Variants in HEXIM2 observed in about 807,000 individuals in gnomAD.
HEXIM2 encodes HEXIM P-TEFb complex subunit 2.
For synonymous variants in HEXIM2, 159 were observed against 162.7 expected, an observed-to-expected ratio of 0.98 and a Z score of 0.17; for missense variants, 413 against 390.8, an observed-to-expected ratio of 1.06 and a Z score of -0.48.
In HEXIM2 at chr17:45,162,546, G is replaced by A; in HGVS notation, c.-134G>A. On this transcript the variant is annotated 5_prime_UTR_variant, in exon 2 of 4. Coordinates refer to ENST00000589230, the MANE Select transcript of HEXIM2 (RefSeq NM_001303441.2). ...ACCCGAGGAGCAGGACAGAGAAGAC[G>A]GCCCCTGAATCCCATTTGGCCCCTT... 1.5e-6 allele frequency: 2 copies of A among 1,351,388 alleles called. No individual in the cohort carries two copies. Among genetic ancestry groups the A allele is most frequent in the Non-Finnish European group, 1.9e-6 (2 of 1,047,522 alleles). The allele number at this position is 1,351,388 out of a possible 1,614,324, so 83.7% of individuals were successfully genotyped here.
At chr17:45,160,685 G>A (rs1219787421), upstream of HEXIM2, 2 of 354,962 alleles carry the variant, frequency 5.6e-6, no homozygotes, top group Non-Finnish European at 5.7e-6. Context: ...AAACTTTCAA[G>A]AGAAGTGGGG....
At chr17:45,161,443 C>A (rs1014491128), upstream of HEXIM2, 2 of 173,256 alleles carry the variant, frequency 1.2e-5, no homozygotes, top group Admixed American at 5.6e-5. Context: ...CGGACCACCC[C>A]CCACGGGGTG....
intron 2 of HEXIM2, 42 bp from the exon 3 acceptor site, chr17:45,162,708 A>C: frequency 6.2e-7 from 1 of 1,607,102 alleles, no homozygotes; most frequent in South Asian, 1.1e-5. Flanking sequence ...AGTATTCCTG[A>C]CGTTCCTTCA....
intron 1 of HEXIM2, 61 bp from the exon 2 acceptor site, chr17:45,162,427 T>G: frequency 9.2e-7 from 1 of 1,089,272 alleles, no homozygotes; most frequent in Non-Finnish European, 1.1e-6. Flanking sequence ...CTTTGGTGGT[T>G]GGGGAAACAA....
intron 3 of HEXIM2, among the ~76,000 whole-genome samples, chr17:45,166,328 T>C (rs1751208967): frequency 6.6e-6 from 1 of 152,030 alleles, no homozygotes; most frequent in African/African-American, 2.4e-5. Context: ...GGTTTCGCCA[T>C]GTTGCCCAGG....
In HEXIM2 at chr17:45,162,476, G is replaced by A. The variant is rs2042725958; in HGVS notation, c.-192-12G>A. The A allele has an allele frequency of 2.1e-5, 23 of 1,105,962 alleles. No individual in the cohort carries two copies. The highest frequency in any genetic ancestry group is 2.4e-5 in the Non-Finnish European group (22 of 902,772). The allele number at this position is 1,105,962 out of a possible 1,614,324, so 68.5% of individuals were successfully genotyped here. Reference sequence around the variant, plus strand: ...CTTCCTGGCTGCCAACCTGGGCCTCGGTGACTTCCAGGAGGACAGTACAGG... The same window carrying A: ...CTTCCTGGCTGCCAACCTGGGCCTCAGTGACTTCCAGGAGGACAGTACAGG... On this transcript the variant is annotated splice_polypyrimidine_tract_variant and intron_variant, in intron 1 of 3. Coordinates refer to ENST00000589230, the MANE Select transcript of HEXIM2 (RefSeq NM_001303441.2).
At chr17:45,164,922 A>G (rs149422879) in intron 3 of HEXIM2, among the ~76,000 whole-genome samples, 1 of 152,124 alleles carries the variant, frequency 6.6e-6, no homozygotes, top group Admixed American at 6.5e-5. Context: ...AATTCATGAC[A>G]TGTCAGGGCT....
intron 3 of HEXIM2, among the ~76,000 whole-genome samples, chr17:45,163,684 A>G (rs1265262230): frequency 6.6e-6 from 1 of 152,042 alleles, no homozygotes; most frequent in Admixed American, 6.6e-5. Context: ...CCTCATCTCT[A>G]CTAAAAATAC....
At position 45,169,101 on chromosome 17, in the gene HEXIM2, C is replaced by T; in HGVS notation, c.153C>T (p.Ser51=). ...TGCCCCTGACACCGCGGATGGAGAG[C>T]CACTCAGAGGATGAAGATCTTGCTG... The part of the protein sequence containing the change: ...GSLPLTPRME[S]HSEDEDLAGA... The change falls in exon 4 of 4, where the codon AGC becomes AGT. Residue 51 remains serine (S), a synonymous_variant. Coordinates refer to ENST00000589230, the MANE Select transcript of HEXIM2 (RefSeq NM_001303441.2). The T allele has an allele frequency of 1.9e-6, 3 of 1,614,080 alleles. No individual in the cohort carries two copies. The South Asian group carries it at 3.3e-5, about 18-fold the overall frequency.
At chr17:45,160,696 C>A (rs963722660), upstream of HEXIM2, 2 of 368,782 alleles carry the variant, frequency 5.4e-6, no homozygotes, top group African/African-American at 4.2e-5. Context: ...AGAAGTGGGG[C>A]AGCACACTTT....
At chr17:45,167,039 A>AGATG (rs1567930025) in intron 3 of HEXIM2, among the ~76,000 whole-genome samples, 1 of 146,282 alleles carries the variant, frequency 6.8e-6, no homozygotes, top group Non-Finnish European at 1.5e-5. Context: ...AAAAAAAAAA[A>AGATG]AAAAGCCCAG....
In HEXIM2 at chr17:45,161,983, A is replaced by T. The variant is rs973975921; in HGVS notation, c.-241A>T. ...GAATTGCACCGACAGGCAGTCGCACAGAAAGGCACACAGATGTAGTGGTGT... is the reference window on the plus strand; with the variant it reads ...GAATTGCACCGACAGGCAGTCGCACTGAAAGGCACACAGATGTAGTGGTGT... On this transcript the variant is annotated 5_prime_UTR_variant, in exon 1 of 4. Transcript: ENST00000589230. 7.1e-6 allele frequency: 7 copies of T among 985,510 alleles called. No individual in the cohort carries two copies. In the African/African-American group the frequency reaches 1.2e-4, roughly 17 times the overall value. 61.0% of individuals were successfully genotyped at this position (985,510 alleles called of 1,614,324 possible). A position where few individuals can be genotyped will look rare whatever the true frequency, so the allele number is the denominator to read the frequency against.
Position 45,162,617 on chromosome 17 carries a change from C to A in HEXIM2, c.-63C>A. ...CCAGCGGTGGAGGCAGCCTTCGGGG[C>A]CTGCATTTGAGAATAAGGGTATGAA... On this transcript the variant is annotated 5_prime_UTR_variant, in exon 2 of 4. Coordinates refer to ENST00000589230, the MANE Select transcript of HEXIM2 (RefSeq NM_001303441.2). 1 of 1,446,062 alleles carries A rather than the reference C, an allele frequency of 6.9e-7. No individual in the cohort carries two copies. Among genetic ancestry groups the A allele is most frequent in the African/African-American group, 1.4e-5 (1 of 70,222 alleles). 89.6% of individuals were successfully genotyped at this position (1,446,062 alleles called of 1,614,324 possible).
intron 3 of HEXIM2, among the ~76,000 whole-genome samples, chr17:45,163,325 CA>C (rs11423159): frequency 7.6e-4 from 60 of 78,790 alleles, no homozygotes; most frequent in East Asian, 2.3e-3. Context: ...GACTCCGTCT[CA>C]AAAAAAAAAA....
chr17:45,161,533 T>G (rs2042691953), upstream of HEXIM2: 1 of 163,420 alleles, frequency 6.1e-6, no homozygotes, highest in Non-Finnish European at 1.4e-5. Flanking sequence ...TCTCGTCGCC[T>G]TCCTCAAAGG....
At position 45,161,881 on chromosome 17, in the gene HEXIM2, TC is replaced by T. The variant is rs551156289; in HGVS notation, c.-336del. The T allele has an allele frequency of 8.1e-6, 8 of 984,766 alleles. No homozygotes were observed. In the African/African-American group the frequency reaches 8.8e-5, roughly 11 times the overall value. 61.0% of individuals were successfully genotyped at this position (984,766 alleles called of 1,614,324 possible). A position where few individuals can be genotyped will look rare whatever the true frequency, so the allele number is the denominator to read the frequency against. On this transcript the variant is annotated 5_prime_UTR_variant, in exon 1 of 4. Coordinates refer to ENST00000589230, the MANE Select transcript of HEXIM2 (RefSeq NM_001303441.2). ...GGCACCGCGCGTCCAGGCTCTCTCTTCCCCCCCATCTTAGTGGCCTGAGCGG... is the reference window on the plus strand; with the variant it reads ...GGCACCGCGCGTCCAGGCTCTCTCTTCCCCCCATCTTAGTGGCCTGAGCGG...
At chr17:45,161,033 C>T, upstream of HEXIM2, 5 of 1,080,702 alleles carry the variant, frequency 4.6e-6, no homozygotes, top group Non-Finnish European at 6.3e-6. Context: ...TCCGCCCTCC[C>T]CCGCGGCGCC....
At chr17:45,167,580 A>T (rs995140203) in intron 3 of HEXIM2, among the ~76,000 whole-genome samples, 3 of 152,188 alleles carry the variant, frequency 2.0e-5, no homozygotes, top group Non-Finnish European at 4.4e-5. Flanking sequence ...TGCCTGGGCA[A>T]CAGAGTAAGA....
At chr17:45,164,146 ACT>A (rs1362490085) in intron 3 of HEXIM2, among the ~76,000 whole-genome samples, 1 of 123,994 alleles carries the variant, frequency 8.1e-6, no homozygotes. Flanking sequence ...CAAGAACAAA[ACT>A]CTCTCAAAAA....
Sources: gnomAD v4.1 joint callset for allele counts (sites outside exome capture counted in the v4.1 genomes callset) on GRCh38, gnomAD v4.1.1 for gene constraint, MANE v1.5 for transcripts, NCBI Gene and HGNC (gene_info 2026-07-23, HGNC 2026-07-21) for gene names.